Variants in EXT2 observed in about 807,000 individuals in gnomAD.
The protein encoded by EXT2 is exostosin glycosyltransferase 2, also known as exostosin-2.
A neutral mutation model predicts 81.6 loss-of-function variants in EXT2; 53 were observed. That is an observed-to-expected ratio of 0.65 (90% CI 0.52 to 0.82). EXT2 has a LOEUF of 0.82. Ranked by LOEUF, EXT2 falls within the 40% of genes least tolerant of loss-of-function variation. The pLI, the probability that EXT2 is intolerant of heterozygous loss-of-function variation, is 0.00. For missense variants in EXT2, 774 were observed against 910.2 expected (o/e 0.85, Z 1.93); for synonymous variants, 320 against 340.0 (o/e 0.94, Z 0.65).
rs751145468 is a variant in EXT2, at chr11:44,220,458, G to A, written c.1663-11895G>A. Among the ~76,000 whole-genome samples the A allele has an allele frequency of 1.3e-5, 2 of 152,176 alleles. No individual in the cohort carries two copies. The highest frequency in any genetic ancestry group is 2.4e-5 in the African/African-American group (1 of 41,432). ...TTTTCACTTTTTGGAAGTACCTGAA[G>A]GGTTGCCATTATAGAGACTATTGTC... On this transcript the variant is annotated intron_variant, in intron 10 of 13. Transcript: ENST00000533608. This position sits in a 1 kb window ranked among gnomAD's most constrained non-coding sequence, Gnocchi z 4.4.
intron 10 of EXT2, among the ~76,000 whole-genome samples, chr11:44,214,851 A>C (rs563642265): frequency 9.5e-4 from 144 of 151,974 alleles, no homozygotes; most frequent in African/African-American, 3.4e-3. Flanking sequence ...TCCTGGGCTC[A>C]AGTGATTCTC....
chr11:44,099,579 C>T (rs544567234), intron 1 of EXT2, among the ~76,000 whole-genome samples: 33 of 152,158 alleles, frequency 2.2e-4, no homozygotes, highest in Non-Finnish European at 4.0e-4. Context: ...GCCTCAGCCT[C>T]CCAAAGTGCT....
chr11:44,174,707 C>T lies in EXT2; in HGVS notation c.1305+2965C>T, dbSNP rs77415087. Among the ~76,000 whole-genome samples, 840 of 152,032 alleles carry T rather than the reference C, an allele frequency of 5.5e-3. 13 individuals carry two copies. Among genetic ancestry groups the T allele is most frequent in the African/African-American group, 0.019 (796 of 41,482 alleles). On this transcript the variant is annotated intron_variant, in intron 8 of 13. Transcript: ENST00000533608. ...TGCTTCCTTTTTCCAGTATTTGAAA[C>T]TTTTATTTTTTCTTTTATCTAATTG...
Position 44,151,628 on chromosome 11 carries a change from A to G in EXT2, c.1174-19983A>G, listed in dbSNP as rs371778837. ...ACAGTTTATTCACCTACTGAAGGGC[A>G]TCTTGATTCCTTCTATGTTTTGTAT... On this transcript the variant is annotated intron_variant, in intron 7 of 13. Transcript: ENST00000533608. Among the ~76,000 whole-genome samples, 16 of 152,330 alleles carry G rather than the reference A, an allele frequency of 1.1e-4. No homozygotes were observed. The East Asian group carries it at 1.7e-3, about 17-fold the overall frequency.
At chr11:44,214,277 G>A (rs1377113350) in intron 10 of EXT2, among the ~76,000 whole-genome samples, 1 of 152,032 alleles carries the variant, frequency 6.6e-6, no homozygotes, top group Admixed American at 6.6e-5. Flanking sequence ...ACCACGCCCG[G>A]CTAATTTTTT....
chr11:44,215,629 T>C (rs1023831292), intron 10 of EXT2, among the ~76,000 whole-genome samples: 6 of 152,256 alleles, frequency 3.9e-5, no homozygotes, highest in Admixed American at 3.9e-4. Context: ...ACCTTTAGCA[T>C]AATCAAAATA....
chr11:44,177,838 T>C lies in EXT2; in HGVS notation c.1305+6096T>C, dbSNP rs561804477. Reference sequence around the variant, plus strand: ...AGAAAGAGAAGAGAGTAGGGGTTCTTATGGCCATTGACAAAAATTGATGAG... The same window carrying C: ...AGAAAGAGAAGAGAGTAGGGGTTCTCATGGCCATTGACAAAAATTGATGAG... On this transcript the variant is annotated intron_variant, in intron 8 of 13. Coordinates refer to ENST00000533608, the MANE Select transcript of EXT2 (RefSeq NM_207122.2). Among the ~76,000 whole-genome samples the C allele has an allele frequency of 5.8e-4, 88 of 152,262 alleles. 1 individual carries two copies. The highest frequency in any genetic ancestry group is 1.1e-3 in the Non-Finnish European group (78 of 68,026).
rs546343594 is a variant in EXT2 at position 44,157,862 on chromosome 11, A to G, written c.1174-13749A>G. 1.5e-4 allele frequency among the ~76,000 whole-genome samples: 23 copies of G among 152,258 alleles called. No individual in the cohort carries two copies. In the South Asian group the frequency reaches 4.8e-3, roughly 32 times the overall value. On this transcript the variant is annotated intron_variant, in intron 7 of 13. Transcript: ENST00000533608. ...TGAAGCCAGCACAGCCATAAGTCTT[A>G]CCCAGGGCCCACAGTGAGAACTGCC...
At chr11:44,214,331 G>T (rs1233014799) in intron 10 of EXT2, among the ~76,000 whole-genome samples, 5 of 152,018 alleles carry the variant, frequency 3.3e-5, no homozygotes, top group East Asian at 1.9e-4. Context: ...AGCCAGCATG[G>T]TCTCGATCTC....
chr11:44,131,671 C>T (rs1954494648), intron 7 of EXT2, among the ~76,000 whole-genome samples: 1 of 152,122 alleles, frequency 6.6e-6, no homozygotes, highest in African/African-American at 2.4e-5. Context: ...TTATCTAAAC[C>T]TGTGGTTCCT....
chr11:44,103,990 C>T (rs6485496), intron 1 of EXT2, among the ~76,000 whole-genome samples: 60,943 of 151,886 alleles, frequency 0.4, 12,606 homozygotes, highest in East Asian at 0.51. Context: ...TTTAATTAAT[C>T]TCTGTGCTTT....
At chr11:44,100,541 T>C (rs1017654722) in intron 1 of EXT2, among the ~76,000 whole-genome samples, 1 of 151,930 alleles carries the variant, frequency 6.6e-6, no homozygotes, top group Non-Finnish European at 1.5e-5. Flanking sequence ...GAGAGTGGAG[T>C]TGACTGGCTC....
At chr11:44,163,120 T>C (rs1954949021) in intron 7 of EXT2, among the ~76,000 whole-genome samples, 1 of 152,192 alleles carries the variant, frequency 6.6e-6, no homozygotes, top group Non-Finnish European at 1.5e-5. Flanking sequence ...ACTGGTAACA[T>C]GGGCATAGTA....
chr11:44,173,367 G>T (rs1012932419), intron 8 of EXT2, among the ~76,000 whole-genome samples: 2 of 152,006 alleles, frequency 1.3e-5, no homozygotes, highest in Non-Finnish European at 2.9e-5. Context: ...ACATATATGG[G>T]ATTATACTAA....
At chr11:44,194,521 A>AT (rs1252469880) in intron 8 of EXT2, among the ~76,000 whole-genome samples, 1 of 152,164 alleles carries the variant, frequency 6.6e-6, no homozygotes, top group Non-Finnish European at 1.5e-5. Context: ...GCTGTGAACC[A>AT]TTACCGTCTG....
rs572550248 is a variant in EXT2, at chr11:44,167,180, G to T, written c.1174-4431G>T. ...AGTTAGGGCCTATTAAAGTATTTGGGATCTGAAACACAAAATCCCAGGAGA... is the reference window on the plus strand; with the variant it reads ...AGTTAGGGCCTATTAAAGTATTTGGTATCTGAAACACAAAATCCCAGGAGA... On this transcript the variant is annotated intron_variant, in intron 7 of 13. Coordinates refer to ENST00000533608, the MANE Select transcript of EXT2 (RefSeq NM_207122.2). Among the ~76,000 whole-genome samples, 26 of 152,176 alleles carry T rather than the reference G, an allele frequency of 1.7e-4. No individual in the cohort carries two copies. The South Asian group carries it at 5.0e-3, about 29-fold the overall frequency.
chr11:44,121,044 A>G (rs1055886552), intron 4 of EXT2, among the ~76,000 whole-genome samples: 3 of 152,232 alleles, frequency 2.0e-5, no homozygotes, highest in Admixed American at 2.0e-4. Context: ...AGGGACAGCC[A>G]GCATGCAAGC....
chr11:44,182,267 G>A (rs1232328808), intron 8 of EXT2, among the ~76,000 whole-genome samples: 1 of 152,082 alleles, frequency 6.6e-6, no homozygotes, highest in Non-Finnish European at 1.5e-5. Context: ...GAGGGGTGGG[G>A]TAACAGGGAG....
chr11:44,124,727 T>C, intron 4 of EXT2, 62 bp from the exon 5 acceptor site: 1 of 1,437,700 alleles, frequency 7.0e-7, no homozygotes. Flanking sequence ...TATCAAAGTT[T>C]GTCTTACCTT....
Sources: gnomAD v4.1 joint callset for allele counts (sites outside exome capture counted in the v4.1 genomes callset) on GRCh38, gnomAD v4.1.1 for gene constraint, Gnocchi (gnomAD v3.1) non-coding constraint, MANE v1.5 for transcripts, NCBI Gene and HGNC (gene_info 2026-07-23, HGNC 2026-07-21) for gene names.